The following ADAMTS16 variants were observed in gnomAD, a reference collection of about 807,000 sequenced individuals.
ADAMTS16 encodes the protein ADAM metallopeptidase with thrombospondin type 1 motif 16, also known as A disintegrin and metalloproteinase with thrombospondin motifs 16.
In ADAMTS16, 94 loss-of-function variants were observed where a neutral mutation model predicts 145.8. The ratio of observed to expected loss-of-function variants is 0.64; its 90% CI spans 0.55 to 0.77. The LOEUF (loss-of-function observed/expected upper bound fraction) is 0.77. Ranked by LOEUF, ADAMTS16 falls within the 30% of genes least tolerant of loss-of-function variation. The pLI is 0.00. For missense variants in ADAMTS16, 1,585 were observed against 1,591.5 expected, an observed-to-expected ratio of 1.00 and a Z score of 0.07; for synonymous variants, 659 against 604.3, an observed-to-expected ratio of 1.09 and a Z score of -1.33.
rs150297591 is a variant in ADAMTS16 at position 5,320,059 on chromosome 5, T to C, written c.*921T>C. On this transcript the variant is annotated 3_prime_UTR_variant, in exon 23 of 23. Transcript: ENST00000274181. This position sits in a 1 kb window ranked among gnomAD's most constrained non-coding sequence, Gnocchi z 5.1. ...ACAATAACCTTAGAGTCCTGTGTTT[T>C]GTTTTTGTGTGTTGTGAGATTTTAA... 5.5e-4 allele frequency: 203 copies of C among 366,174 alleles called. 1 individual carries two copies. The highest frequency in any genetic ancestry group is 1.1e-3 in the South Asian group (59 of 51,426). The allele number at this position is 366,174 out of a possible 1,614,324, so 22.7% of individuals were successfully genotyped here.
chr5:5,206,731 C>T (rs149557464), intron 9 of ADAMTS16, among the ~76,000 whole-genome samples: 125 of 152,206 alleles, frequency 8.2e-4, no homozygotes, highest in African/African-American at 2.8e-3. Context: ...ATCCACCTTC[C>T]TCAGCCTCCC....
Position 5,140,393 on chromosome 5 carries a change from G to C in ADAMTS16, c.-75G>C. On this transcript the variant is annotated 5_prime_UTR_variant, in exon 1 of 23. Coordinates refer to ENST00000274181, the MANE Select transcript of ADAMTS16 (RefSeq NM_139056.4). ...AATCCTCCCGCGCTCTGCCTGGGTC[G>C]GGTCCTCCCTGCCCGCTCGCACGCT... 1 of 1,404,730 alleles carries C rather than the reference G, an allele frequency of 7.1e-7. No homozygotes were observed. Among genetic ancestry groups the C allele is most frequent in the East Asian group, 3.0e-5 (1 of 33,306 alleles). 87.0% of individuals were successfully genotyped at this position (1,404,730 alleles called of 1,614,324 possible). A position where few individuals can be genotyped will look rare whatever the true frequency, so the allele number is the denominator to read the frequency against.
chr5:5,305,149 C>CCACACA lies in ADAMTS16; in HGVS notation c.3187-1346_3187-1341dup, dbSNP rs201600213. Among the ~76,000 whole-genome samples the CCACACA allele has an allele frequency of 1.8e-3, 117 of 63,562 alleles. 3 individuals carry two copies. The highest frequency in any genetic ancestry group is 2.3e-3 in the Non-Finnish European group (68 of 29,588). 41.7% of individuals were successfully genotyped at this position (63,562 alleles called of 152,430 possible). On this transcript the variant is annotated intron_variant, in intron 20 of 22. Coordinates refer to ENST00000274181, the MANE Select transcript of ADAMTS16 (RefSeq NM_139056.4). ...CCACACCACACACACACATCCCACACCACACACACACACATATCCCACACC... is the reference window on the plus strand; with the variant it reads ...CCACACCACACACACACATCCCACACCACACACACACACACACACATATCCCACACC...
intron 18 of ADAMTS16, among the ~76,000 whole-genome samples, chr5:5,283,108 T>C (rs1020747288): frequency 6.6e-6 from 1 of 152,170 alleles, no homozygotes; most frequent in African/African-American, 2.4e-5. Flanking sequence ...CTCTAGTGTG[T>C]ATATCTCTTA....
At chr5:5,215,072 T>C (rs1232464662) in intron 10 of ADAMTS16, among the ~76,000 whole-genome samples, 1 of 152,190 alleles carries the variant, frequency 6.6e-6, no homozygotes, top group Non-Finnish European at 1.5e-5. Flanking sequence ...TAGGAAGGGA[T>C]GAATCTCTTT....
chr5:5,240,433 A>T (rs1397039833), intron 16 of ADAMTS16, among the ~76,000 whole-genome samples: 1 of 152,246 alleles, frequency 6.6e-6, no homozygotes, highest in Non-Finnish European at 1.5e-5. Flanking sequence ...TGAACCGAGC[A>T]GTTCTGTTTA....
At chr5:5,228,177 T>C (rs1258314792) in intron 11 of ADAMTS16, among the ~76,000 whole-genome samples, 2 of 152,240 alleles carry the variant, frequency 1.3e-5, no homozygotes, top group Non-Finnish European at 2.9e-5. Flanking sequence ...ATGTATCAAG[T>C]TGTTAGCTTA....
chr5:5,206,780 C>A (rs1736137639), intron 9 of ADAMTS16, among the ~76,000 whole-genome samples: 1 of 152,112 alleles, frequency 6.6e-6, no homozygotes, highest in Non-Finnish European at 1.5e-5. Flanking sequence ...CCGCGCCCGG[C>A]AGATTAATTT....
At chr5:5,216,123 T>C (rs1363389575) in intron 10 of ADAMTS16, among the ~76,000 whole-genome samples, 4 of 151,974 alleles carry the variant, frequency 2.6e-5, no homozygotes, top group African/African-American at 9.7e-5. Context: ...CCACACTTTT[T>C]TCCATAGTGG....
chr5:5,220,835 A>G (rs1170766606), intron 10 of ADAMTS16, among the ~76,000 whole-genome samples: 1 of 152,016 alleles, frequency 6.6e-6, no homozygotes, highest in East Asian at 1.9e-4. Flanking sequence ...GGGAATCCCA[A>G]ACTCTACTGG....
chr5:5,140,745 C>A lies in ADAMTS16; in HGVS notation c.154C>A (p.Pro52Thr). ...GCGTCCTCCTCCACCCGCGGAGCGG[C>A]CGGGCTGGATGGAAAAGGGCGGTAA... ...VPRPPPPAER[P>T]GWMEKGEYDL... The change falls in exon 2 of 23, where the codon CCG becomes ACG. Residue 52 changes from proline to threonine, a missense_variant. Transcript: ENST00000274181. 6.4e-7 allele frequency: 1 copy of A among 1,566,786 alleles called. No individual in the cohort carries two copies. The highest frequency in any genetic ancestry group is 8.6e-7 in the Non-Finnish European group (1 of 1,157,160).
chr5:5,182,301 GA>G lies in ADAMTS16; in HGVS notation c.762del (p.Lys254AsnfsTer29). 1 of 1,611,516 alleles carries G rather than the reference GA, an allele frequency of 6.2e-7. No individual in the cohort carries two copies. Among genetic ancestry groups the G allele is most frequent in the Non-Finnish European group, 8.5e-7 (1 of 1,178,044 alleles). On this transcript the variant is annotated frameshift_variant, in exon 4 of 23. Coordinates refer to ENST00000274181, the MANE Select transcript of ADAMTS16 (RefSeq NM_139056.4). LOFTEE classifies it high-confidence loss of function. Reference protein sequence around the residue: ...QKQHFCGRRKKYMPQPPKEDL... With the variant: ...QKQHFCGRRKXYMPQPPKEDL... ...AGCAGCATTTCTGTGGAAGACGCAA[GA>G]AATGTATGTAAGGGCGAATCTTTGT...
At chr5:5,246,805 T>A (rs1003931434) in intron 17 of ADAMTS16, among the ~76,000 whole-genome samples, 50 of 152,124 alleles carry the variant, frequency 3.3e-4, no homozygotes, top group African/African-American at 1.2e-3. Context: ...CTATGCTGAG[T>A]TCGGAGTGTA....
At chr5:5,214,556 C>T (rs1198846710) in intron 10 of ADAMTS16, among the ~76,000 whole-genome samples, 3 of 152,136 alleles carry the variant, frequency 2.0e-5, no homozygotes, top group Non-Finnish European at 4.4e-5. Flanking sequence ...GTGCATGCCA[C>T]CATGCCTGGC....
At chr5:5,264,613 C>T (rs1484910334) in intron 18 of ADAMTS16, among the ~76,000 whole-genome samples, 1 of 152,048 alleles carries the variant, frequency 6.6e-6, no homozygotes, top group Non-Finnish European at 1.5e-5. Context: ...ATTTGAAGGG[C>T]CAGGACCCCT....
chr5:5,213,682 A>G (rs759665072), intron 10 of ADAMTS16, among the ~76,000 whole-genome samples: 1 of 152,044 alleles, frequency 6.6e-6, no homozygotes, highest in Non-Finnish European at 1.5e-5. Context: ...GTTCTTCCCC[A>G]TGAGGCATGG....
chr5:5,243,779 T>C (rs1737362801), intron 17 of ADAMTS16, among the ~76,000 whole-genome samples: 1 of 152,226 alleles, frequency 6.6e-6, no homozygotes, highest in Non-Finnish European at 1.5e-5. Flanking sequence ...ACTGGTGTCT[T>C]TCCTTTGAGC....
At chr5:5,244,216 G>T (rs1737374681) in intron 17 of ADAMTS16, among the ~76,000 whole-genome samples, 1 of 152,170 alleles carries the variant, frequency 6.6e-6, no homozygotes, top group Non-Finnish European at 1.5e-5. Context: ...ATGGTATCCT[G>T]CAGGGTTTGA....
rs1739895525 is a variant in ADAMTS16, at chr5:5,303,702, C to T, written c.3122C>T (p.Ala1041Val). ...TSEPKPRMHE[A>V]CLLQRCHKPK... Reference sequence around the variant, plus strand: ...GAGCCCAAGCCCAGGATGCATGAAGCCTGTCTGCTTCAGCGCTGCCACAAG... The same window carrying T: ...GAGCCCAAGCCCAGGATGCATGAAGTCTGTCTGCTTCAGCGCTGCCACAAG... Residue 1041 changes from alanine to valine, a missense_variant, in exon 20 of 23, where the codon GCC becomes GTC. Physicochemically the swap from Ala to Val is moderately conservative, Grantham distance 64. Around this residue, in one of 3 missense-constraint regions of ADAMTS16, gnomAD observed 834 missense variants for 811.7 expected, o/e 1.03. Coordinates refer to ENST00000274181, the MANE Select transcript of ADAMTS16 (RefSeq NM_139056.4). The T allele has an allele frequency of 1.2e-6, 2 of 1,613,658 alleles. No individual in the cohort carries two copies. Among genetic ancestry groups the T allele is most frequent in the African/African-American group, 1.3e-5 (1 of 75,056 alleles).
Sources: allele counts gnomAD v4.1 joint callset (sites outside exome capture counted in the v4.1 genomes callset), GRCh38; gene constraint gnomAD v4.1.1; regional missense constraint gnomAD v4.1.1; non-coding constraint Gnocchi (gnomAD v3.1); transcripts MANE v1.5; gene names NCBI Gene and HGNC (gene_info 2026-07-23, HGNC 2026-07-21).